The following CDH20 variants were observed in gnomAD, a reference collection of about 807,000 sequenced individuals.
CDH20 encodes the protein cadherin 20, also known as cadherin-20.
A neutral mutation model predicts 74.2 loss-of-function variants in CDH20; 29 were observed. That is an observed-to-expected ratio of 0.39 (90% CI 0.29 to 0.53). CDH20 has a LOEUF of 0.53. CDH20 is among the 20% of genes least tolerant of loss of function. CDH20 has a pLI of 0.69. For synonymous variants in CDH20, 469 were observed against 405.4 expected (o/e 1.16, Z -1.88); for missense variants, 988 against 1,048.3 (o/e 0.94, Z 0.79).
intron 4 of CDH20, among the ~76,000 whole-genome samples, chr18:61,500,917 C>T (rs537952940): frequency 6.6e-6 from 1 of 152,300 alleles, no homozygotes; most frequent in Admixed American, 6.5e-5. Context: ...GGGAATCATC[C>T]AGTCCATCAC....
chr18:61,511,140 T>C (rs1203295262), intron 6 of CDH20, among the ~76,000 whole-genome samples: 1 of 132,990 alleles, frequency 7.5e-6, no homozygotes, highest in African/African-American at 2.8e-5. Flanking sequence ...GCATGTGCCA[T>C]CACAGCCACC....
chr18:61,453,996 A>T (rs1463982768), intron 1 of CDH20, among the ~76,000 whole-genome samples: 1 of 152,110 alleles, frequency 6.6e-6, no homozygotes, highest in Non-Finnish European at 1.5e-5. Flanking sequence ...TACGTCAGCC[A>T]TTCTGATTGG....
chr18:61,495,876 C>T (rs1911121206), intron 2 of CDH20, among the ~76,000 whole-genome samples: 1 of 152,054 alleles, frequency 6.6e-6, no homozygotes, highest in South Asian at 2.1e-4. Flanking sequence ...AACTGATAGG[C>T]TTATGGGCCT....
At chr18:61,368,035 C>T (rs1910914872) in intron 1 of CDH20, among the ~76,000 whole-genome samples, 1 of 152,126 alleles carries the variant, frequency 6.6e-6, no homozygotes, top group African/African-American at 2.4e-5. Context: ...AACCTATCTT[C>T]AAATAAGGTC....
At chr18:61,526,362 C>T (rs1161306602) in intron 6 of CDH20, among the ~76,000 whole-genome samples, 1 of 151,954 alleles carries the variant, frequency 6.6e-6, no homozygotes. Context: ...TAAAGCAGCA[C>T]CTACCGATAT....
chr18:61,511,207 A>G (rs1222151031), intron 6 of CDH20, among the ~76,000 whole-genome samples: 4 of 142,138 alleles, frequency 2.8e-5, no homozygotes, highest in African/African-American at 1.1e-4. Flanking sequence ...CCCAAGCTGG[A>G]GTGCAATGGC....
At position 61,334,052 on chromosome 18, in the gene CDH20, G is replaced by C. The variant is rs563577114; in HGVS notation, c.-153+225G>C. On this transcript the variant is annotated intron_variant, in intron 1 of 11. Coordinates refer to ENST00000262717, the MANE Select transcript of CDH20 (RefSeq NM_031891.4). ...TTGGAAATGGGCTGCCGGGACTGGGGGAGCTGCTCTCTGGAAGCAGGGAAG... is the reference window on the plus strand; with the variant it reads ...TTGGAAATGGGCTGCCGGGACTGGGCGAGCTGCTCTCTGGAAGCAGGGAAG... Among the ~76,000 whole-genome samples, 99 of 152,306 alleles carry C rather than the reference G, an allele frequency of 6.5e-4. 2 individuals are homozygous for C. The highest frequency in any genetic ancestry group is 2.2e-3 in the African/African-American group (93 of 41,586).
At chr18:61,375,916 A>G (rs1425675773) in intron 1 of CDH20, among the ~76,000 whole-genome samples, 1 of 152,090 alleles carries the variant, frequency 6.6e-6, no homozygotes, top group African/African-American at 2.4e-5. Flanking sequence ...TTCCACCACC[A>G]TCTTTCTTTG....
chr18:61,333,493 G>C lies in CDH20; in HGVS notation c.-487G>C, dbSNP rs928690594. 2 of 152,374 alleles carry C rather than the reference G, an allele frequency of 1.3e-5. No homozygotes were observed. Among genetic ancestry groups the C allele is most frequent in the Non-Finnish European group, 2.9e-5 (2 of 68,180 alleles). 9.4% of individuals were successfully genotyped at this position (152,374 alleles called of 1,614,324 possible). On this transcript the variant is annotated 5_prime_UTR_variant, in exon 1 of 12. Transcript: ENST00000262717. ...GGACCGCGCGCCACGCTCGGGGGAC[G>C]GTGACCGCGACCAGGGGGCTCTTCT...
At chr18:61,519,241 G>T in intron 6 of CDH20, among the ~76,000 whole-genome samples, 1 of 151,106 alleles carries the variant, frequency 6.6e-6, no homozygotes, top group East Asian at 1.9e-4. Context: ...AGCAAGATAG[G>T]CCAACATTCA....
At chr18:61,470,966 C>A (rs531028451) in intron 1 of CDH20, among the ~76,000 whole-genome samples, 1 of 152,024 alleles carries the variant, frequency 6.6e-6, no homozygotes, top group East Asian at 1.9e-4. Context: ...TGAAATACCA[C>A]CAAGACGCAT....
chr18:61,490,895 A>AG lies in CDH20; in HGVS notation c.246+97dup, dbSNP rs1216983714. The AG allele has an allele frequency of 3.0e-6, 4 of 1,316,968 alleles. No individual in the cohort carries two copies. The African/African-American group carries it at 5.8e-5, about 19-fold the overall frequency. The allele number at this position is 1,316,968 out of a possible 1,614,324, so 81.6% of individuals were successfully genotyped here. ...TGACCTAGCCTTTATCTGAGACCTG[A>AG]GAAAAACTAGAACAAGTGGTACGTT... On this transcript the variant is annotated intron_variant, in intron 2 of 11. Coordinates refer to ENST00000262717, the MANE Select transcript of CDH20 (RefSeq NM_031891.4).
At chr18:61,354,693 T>C (rs948845941) in intron 1 of CDH20, among the ~76,000 whole-genome samples, 2 of 152,170 alleles carry the variant, frequency 1.3e-5, no homozygotes, top group African/African-American at 4.8e-5. Flanking sequence ...ACAATTACTT[T>C]TGGGGATCTA....
chr18:61,388,119 G>C (rs1335465087), intron 1 of CDH20, among the ~76,000 whole-genome samples: 2 of 152,194 alleles, frequency 1.3e-5, no homozygotes, highest in Non-Finnish European at 2.9e-5. Context: ...GGAAGGAGAA[G>C]ATTAATTCTG....
At chr18:61,355,079 C>A (rs1402478606) in intron 1 of CDH20, among the ~76,000 whole-genome samples, 2 of 152,188 alleles carry the variant, frequency 1.3e-5, no homozygotes, top group Non-Finnish European at 2.9e-5. Context: ...CACTGGAGCC[C>A]TTCCTCCAGA....
intron 6 of CDH20, among the ~76,000 whole-genome samples, chr18:61,510,980 C>CTTTTTTTTTTTTTTTTTTTT (rs112741210): frequency 7.4e-6 from 1 of 136,004 alleles, no homozygotes; most frequent in Non-Finnish European, 1.6e-5. Context: ...TTCTTTCTTT[C>CTTTTTTTTTTTTTTTTTTTT]TTTTTTTTTT....
intron 6 of CDH20, among the ~76,000 whole-genome samples, chr18:61,526,166 T>A (rs925277240): frequency 6.8e-6 from 1 of 146,650 alleles, no homozygotes; most frequent in Non-Finnish European, 1.5e-5. Flanking sequence ...TTCACTCTTA[T>A]TGCCCAGGCT....
At chr18:61,395,936 G>T (rs975155421) in intron 1 of CDH20, among the ~76,000 whole-genome samples, 1 of 152,154 alleles carries the variant, frequency 6.6e-6, no homozygotes, top group African/African-American at 2.4e-5. Context: ...TTTCGATAGT[G>T]TTAGAAACCA....
chr18:61,350,873 G>A (rs983079177), intron 1 of CDH20, among the ~76,000 whole-genome samples: 1 of 152,172 alleles, frequency 6.6e-6, no homozygotes, highest in African/African-American at 2.4e-5. Flanking sequence ...TTCACAGTTA[G>A]TAATAAAGAT....
Sources: allele counts gnomAD v4.1 joint callset (sites outside exome capture counted in the v4.1 genomes callset), GRCh38; gene constraint gnomAD v4.1.1; transcripts MANE v1.5; gene names NCBI Gene and HGNC (gene_info 2026-07-23, HGNC 2026-07-21).